TBX1: variants seen among roughly 807,000 people sequenced by gnomAD.
TBX1 encodes T-box transcription factor 1, also known as T-box transcription factor TBX1.
Under a neutral mutation model 40.8 loss-of-function variants are expected in TBX1, and 16 were observed. The ratio of observed to expected loss-of-function variants is 0.39; its 90% CI spans 0.27 to 0.60. The LOEUF is 0.60. Among genes scored for constraint, TBX1 ranks in the 20% least tolerant of loss-of-function variants. The pLI is 0.51. For missense variants in TBX1, 755 were observed against 728.5 expected, an observed-to-expected ratio of 1.04 and a Z score of -0.42; for synonymous variants, 403 against 336.8, an observed-to-expected ratio of 1.20 and a Z score of -2.15.
downstream of TBX1, among the ~76,000 whole-genome samples, chr22:19,768,086 T>C (rs1246632017): frequency 1.3e-5 from 2 of 152,094 alleles, no homozygotes; most frequent in Non-Finnish European, 1.5e-5. Flanking sequence ...ATCCCTCCCT[T>C]CCTGAGCGCA....
chr22:19,765,850 G>A (rs1226792687), intron 5 of TBX1, 25 bp downstream of exon 5: 2 of 1,585,350 alleles, frequency 1.3e-6, no homozygotes, highest in Non-Finnish European at 8.6e-7. Flanking sequence ...CCGAGAGAGT[G>A]AGCGCCGGGC....
intron 2 of TBX1, among the ~76,000 whole-genome samples, chr22:19,763,857 G>T (rs1039248330): frequency 6.6e-6 from 1 of 152,156 alleles, no homozygotes; most frequent in South Asian, 2.1e-4. Context: ...CCACCGCAGC[G>T]GCACCGGGGC....
downstream of TBX1, among the ~76,000 whole-genome samples, chr22:19,768,290 A>G (rs544320102): frequency 6.6e-6 from 1 of 152,346 alleles, no homozygotes; most frequent in East Asian, 1.9e-4. Flanking sequence ...CACCTCTCCG[A>G]GGGCACAGCC....
intron 8 of TBX1, among the ~76,000 whole-genome samples, chr22:19,776,235 CAG>C (rs1042683658): frequency 6.6e-6 from 1 of 152,120 alleles, no homozygotes; most frequent in African/African-American, 2.4e-5. Flanking sequence ...CCCTCTCTCT[CAG>C]GGGTGGTTTC....
At chr22:19,766,063 G>C (rs1426194219) in intron 6 of TBX1, 61 bp downstream of exon 6, 3 of 1,352,392 alleles carry the variant, frequency 2.2e-6, no homozygotes, top group Admixed American at 3.1e-5. Context: ...CCGGGCCGGC[G>C]GCCTCGCCCG....
chr22:19,768,705 C>T (rs1168004369), downstream of TBX1, among the ~76,000 whole-genome samples: 2 of 152,138 alleles, frequency 1.3e-5, no homozygotes, highest in African/African-American at 4.8e-5. Flanking sequence ...CCAGGATGTG[C>T]GGAGGGGCTG....
rs564141057 is a variant in TBX1, at chr22:19,766,845, C to T, written c.1493C>T (p.Ser498Phe). 6.3e-6 allele frequency: 10 copies of T among 1,579,710 alleles called. No homozygotes were observed. The South Asian group carries it at 7.9e-5, about 12-fold the overall frequency. Reference protein sequence around the residue: ...YSSAGAAPPGSYDYCPR With the variant: ...YSSAGAAPPGFYDYCPR Reference sequence around the variant, plus strand: ...TCGGCCGGAGCCGCGCCGCCCGGCTCCTACGACTATTGCCCCAGATAACAC... The same window carrying T: ...TCGGCCGGAGCCGCGCCGCCCGGCTTCTACGACTATTGCCCCAGATAACAC... Residue 498 changes from serine (S) to phenylalanine (F), a missense_variant, in exon 7 of 7, where the codon TCC becomes TTC. This residue lies in a region of TBX1 where 412 missense variants were observed against 317.6 expected (regional missense o/e 1.30). Transcript: ENST00000649276.
downstream of TBX1, chr22:19,783,271 T>G (rs1209405247): frequency 1.0e-5 from 5 of 501,782 alleles, no homozygotes; most frequent in Non-Finnish European, 1.8e-5. Flanking sequence ...GGCACCAGGA[T>G]GAGGCCAAAT....
At chr22:19,774,149 G>A (rs1460930066) in intron 8 of TBX1, among the ~76,000 whole-genome samples, 4 of 152,250 alleles carry the variant, frequency 2.6e-5, no homozygotes, top group African/African-American at 9.6e-5. Flanking sequence ...TACACTGCTG[G>A]TGGGACTGTA....
chr22:19,777,302 C>T (rs1010006982), intron 8 of TBX1, among the ~76,000 whole-genome samples: 1 of 151,028 alleles, frequency 6.6e-6, no homozygotes, highest in Non-Finnish European at 1.5e-5. Context: ...TGAGTGAGAA[C>T]ATGCGGTGTT....
In TBX1 at chr22:19,766,689, C is replaced by T. The variant is rs1252023187; in HGVS notation, c.1337C>T (p.Pro446Leu). ...LGAKSRPAPY[P>L]LPGLRGHGYH... ...GCCAAGAGCCGGCCGGCGCCCTACCCGCTGCCCGGCCTGCGTGGCCACGGC... is the reference window on the plus strand; with the variant it reads ...GCCAAGAGCCGGCCGGCGCCCTACCTGCTGCCCGGCCTGCGTGGCCACGGC... The change falls in exon 7 of 7, where the codon CCG becomes CTG. Residue 446 changes from proline (P) to leucine (L), a missense_variant. Physicochemically the swap from Pro to Leu is moderately conservative, Grantham distance 98. Around this residue, in one of 3 missense-constraint regions of TBX1, gnomAD observed 412 missense variants for 317.6 expected, o/e 1.30. Transcript: ENST00000649276. 1 of 1,549,162 alleles carries T rather than the reference C, an allele frequency of 6.5e-7. No homozygotes were observed. Among genetic ancestry groups the T allele is most frequent in the South Asian group, 1.2e-5 (1 of 86,394 alleles).
At position 19,763,236 on chromosome 22, in the gene TBX1, C is replaced by A. The variant is rs972035685; in HGVS notation, c.438-5C>A. Reference sequence around the variant, plus strand: ...TAGGGTGACCCAAGGCCTCATCACCCCCAGGCGGATGTTTCCCACCTTCCA... The same window carrying A: ...TAGGGTGACCCAAGGCCTCATCACCACCAGGCGGATGTTTCCCACCTTCCA... On this transcript the variant is annotated splice_region_variant and splice_polypyrimidine_tract_variant and intron_variant, in intron 1 of 6. Coordinates refer to ENST00000649276, the MANE Select transcript of TBX1 (RefSeq NM_001379200.1). 1 of 1,613,806 alleles carries A rather than the reference C, an allele frequency of 6.2e-7. No homozygotes were observed. Among genetic ancestry groups the A allele is most frequent in the Non-Finnish European group, 8.5e-7 (1 of 1,179,696 alleles).
rs1050855749 is a variant in TBX1, at chr22:19,765,205, T to A, written c.867+92T>A. Reference sequence around the variant, plus strand: ...TGCCGTTTGGGGACAGTGGGTCCGCTTAGACCTGCAGGCTGTGGTCCCAGT... The same window carrying A: ...TGCCGTTTGGGGACAGTGGGTCCGCATAGACCTGCAGGCTGTGGTCCCAGT... On this transcript the variant is annotated intron_variant, in intron 4 of 6. Coordinates refer to ENST00000649276, the MANE Select transcript of TBX1 (RefSeq NM_001379200.1). 4 of 1,579,030 alleles carry A rather than the reference T, an allele frequency of 2.5e-6. No individual in the cohort carries two copies. In the African/African-American group the frequency reaches 5.4e-5, roughly 21 times the overall value.
chr22:19,763,560 C>G, intron 2 of TBX1: 1 of 586,770 alleles, frequency 1.7e-6, no homozygotes, highest in Non-Finnish European at 3.1e-6. Flanking sequence ...GAGCCGCAGG[C>G]TGCAGACAGC....
intron 2 of TBX1, 30 bp from the exon 3 acceptor site, chr22:19,764,125 C>T: frequency 1.2e-6 from 2 of 1,611,898 alleles, no homozygotes; most frequent in South Asian, 1.1e-5. Context: ...TTCACCTCCA[C>T]ATGCACGACC....
downstream of TBX1, chr22:19,767,398 G>C: frequency 2.0e-6 from 2 of 986,114 alleles, no homozygotes; most frequent in Non-Finnish European, 2.4e-6. Flanking sequence ...GGGACAGCGA[G>C]CCCGGGGTAG....
At position 19,761,298 on chromosome 22, in the gene TBX1, C is replaced by T. The variant is rs1936652795; in HGVS notation, c.437+18C>T. On this transcript the variant is annotated intron_variant, in intron 1 of 6. Transcript: ENST00000649276. The stretch of plus-strand genomic sequence containing the variant: ...GCCGGCAGGTCAGGGCGCCCCTCCC[C>T]ACGCCGCGACCCTCCCCACGTGCTG... 6.5e-7 allele frequency: 1 copy of T among 1,535,238 alleles called. No homozygotes were observed.
intron 8 of TBX1, chr22:19,779,110 C>T (rs562607497): frequency 3.0e-6 from 4 of 1,322,006 alleles, no homozygotes; most frequent in Non-Finnish European, 4.3e-6. Flanking sequence ...CTGTCCTGCC[C>T]TTCCATGCGG....
At chr22:19,779,985 T>A (rs1194771176), downstream of TBX1, among the ~76,000 whole-genome samples, 2 of 152,240 alleles carry the variant, frequency 1.3e-5, no homozygotes, top group Non-Finnish European at 2.9e-5. Context: ...ATTTATTTTT[T>A]AAATCGACAT....
Sources: gnomAD v4.1 joint callset for allele counts (sites outside exome capture counted in the v4.1 genomes callset) on GRCh38, gnomAD v4.1.1 for gene constraint, gnomAD v4.1.1 regional missense constraint, MANE v1.5 for transcripts, NCBI Gene and HGNC (gene_info 2026-07-23, HGNC 2026-07-21) for gene names.